LRRC1: variants seen among roughly 807,000 people sequenced by gnomAD.
LRRC1 encodes the protein leucine rich repeat containing 1, also known as leucine-rich repeat-containing protein 1.
LRRC1 carries 28 observed loss-of-function variants against 69.9 expected under a neutral mutation model. The ratio of observed to expected loss-of-function variants is 0.40; its 90% CI spans 0.30 to 0.55. The LOEUF (loss-of-function observed/expected upper bound fraction) is 0.55, where lower values mean the gene tolerates loss of function less well. LRRC1 is among the 20% of genes least tolerant of loss of function. The pLI, the probability that LRRC1 is intolerant of heterozygous loss-of-function variation, is 0.47. For synonymous variants in LRRC1, 236 were observed against 240.2 expected (o/e 0.98, Z 0.16); for missense variants, 498 against 609.0 (o/e 0.82, Z 1.92).
intron 1 of LRRC1, among the ~76,000 whole-genome samples, chr6:53,837,916 A>G (rs1765657561): frequency 6.6e-6 from 1 of 152,204 alleles, no homozygotes; most frequent in South Asian, 2.1e-4. Context: ...CTTTGCATAT[A>G]ATTGTACAGA....
At chr6:53,862,239 T>A (rs1428691383) in intron 2 of LRRC1, among the ~76,000 whole-genome samples, 1 of 152,040 alleles carries the variant, frequency 6.6e-6, no homozygotes, top group East Asian at 1.9e-4. Context: ...TTCCCCTCAT[T>A]TTTGATATTT....
chr6:53,804,756 A>C (rs1432167845), intron 1 of LRRC1, among the ~76,000 whole-genome samples: 1 of 152,198 alleles, frequency 6.6e-6, no homozygotes, highest in Non-Finnish European at 1.5e-5. Context: ...TGTTTCTTTA[A>C]GATACATTTC....
Position 53,795,145 on chromosome 6 carries a change from C to A in LRRC1, c.-112C>A. ...CGCGAGAAGCGAGCTAACCCAAGAG[C>A]CAACAACGAGCGCGGAGAGGGCAGC... On this transcript the variant is annotated 5_prime_UTR_variant, in exon 1 of 14. Coordinates refer to ENST00000370888, the MANE Select transcript of LRRC1 (RefSeq NM_018214.5). The A allele has an allele frequency of 1.0e-6, 1 of 962,978 alleles. No homozygotes were observed. The highest frequency in any genetic ancestry group is 1.5e-6 in the Non-Finnish European group (1 of 672,966). 59.7% of individuals were successfully genotyped at this position (962,978 alleles called of 1,614,324 possible). A position where few individuals can be genotyped will look rare whatever the true frequency, so the allele number is the denominator to read the frequency against.
chr6:53,900,534 AAGGCATATGAGC>A (rs1294807526), intron 8 of LRRC1, among the ~76,000 whole-genome samples: 3 of 152,222 alleles, frequency 2.0e-5, no homozygotes, highest in African/African-American at 7.2e-5. Context: ...AAATGTATTT[AAGGCATATGAGC>A]AGTCACTAAG....
rs1394548591 is a variant in LRRC1 at position 53,913,835 on chromosome 6, A to G, written c.991-19A>G. ...CCCTAGAAAACTGGAAAAAAGATGTATTTTCTTTCTCACCATAGATCGGCG... is the reference window on the plus strand; with the variant it reads ...CCCTAGAAAACTGGAAAAAAGATGTGTTTTCTTTCTCACCATAGATCGGCG... On this transcript the variant is annotated intron_variant, in intron 10 of 13. Transcript: ENST00000370888. 4.5e-6 allele frequency: 7 copies of G among 1,556,968 alleles called. No individual in the cohort carries two copies. In the African/African-American group the frequency reaches 8.1e-5, roughly 18 times the overall value.
rs560618778 is a variant in LRRC1 at position 53,920,970 on chromosome 6, T to C, written c.1416+209T>C. Among the ~76,000 whole-genome samples, 52 of 152,120 alleles carry C rather than the reference T, an allele frequency of 3.4e-4. No homozygotes were observed. In the South Asian group the frequency reaches 7.7e-3, roughly 23 times the overall value. ...CAAATGGAACTCATGGGTTTTTTTT[T>C]TTCTTCTTCTTTTTTGAGACAGAGT... On this transcript the variant is annotated intron_variant, in intron 13 of 13. Coordinates refer to ENST00000370888, the MANE Select transcript of LRRC1 (RefSeq NM_018214.5).
Position 53,812,712 on chromosome 6 carries a change from A to AAG in LRRC1, c.159+17298_159+17299insGA, listed in dbSNP as rs1554176105. On this transcript the variant is annotated intron_variant, in intron 1 of 13. Transcript: ENST00000370888. ...CTCAAAAAAAAAAAAAAAAAAAAAA[A>AAG]AATTTGAAGAAAGAGGGGAAGGATG... Among the ~76,000 whole-genome samples, 79 of 139,876 alleles carry AAG rather than the reference A, an allele frequency of 5.6e-4. 2 individuals carry two copies. Among genetic ancestry groups the AAG allele is most frequent in the African/African-American group, 1.0e-3 (37 of 36,778 alleles). The allele number at this position is 139,876 out of a possible 152,430, so 91.8% of individuals were successfully genotyped here.
intron 4 of LRRC1, among the ~76,000 whole-genome samples, chr6:53,888,816 A>G (rs947252134): frequency 1.6e-4 from 24 of 152,232 alleles, no homozygotes; most frequent in Admixed American, 1.6e-3. Flanking sequence ...TTTCCTAGCT[A>G]TGACACCAAA....
chr6:53,871,833 A>G (rs1188751490), intron 2 of LRRC1, among the ~76,000 whole-genome samples: 1 of 151,970 alleles, frequency 6.6e-6, no homozygotes, highest in East Asian at 1.9e-4. Context: ...ATGCCCAGCT[A>G]ATTTTTGTAT....
At chr6:53,817,834 C>T (rs1185994197) in intron 1 of LRRC1, among the ~76,000 whole-genome samples, 1 of 152,092 alleles carries the variant, frequency 6.6e-6, no homozygotes, top group Non-Finnish European at 1.5e-5. Context: ...ATCTAGGGTA[C>T]TACAGTAATG....
intron 10 of LRRC1, among the ~76,000 whole-genome samples, chr6:53,907,320 G>A (rs1039772497): frequency 8.5e-5 from 13 of 152,108 alleles, no homozygotes; most frequent in African/African-American, 3.1e-4. Context: ...CTGGTATGCT[G>A]TGTAGTTCTT....
At chr6:53,902,934 G>C (rs993762618) in intron 9 of LRRC1, among the ~76,000 whole-genome samples, 187 bp downstream of exon 9, 1 of 152,208 alleles carries the variant, frequency 6.6e-6, no homozygotes, top group South Asian at 2.1e-4. Context: ...AGGTTTCCCT[G>C]TTGAGCCTGT....
chr6:53,820,903 T>G (rs559403217), intron 1 of LRRC1, among the ~76,000 whole-genome samples: 2 of 152,180 alleles, frequency 1.3e-5, no homozygotes, highest in South Asian at 4.1e-4. Context: ...TGTCAGCACT[T>G]ACTATGGGAA....
At chr6:53,878,523 G>C (rs868511018) in intron 2 of LRRC1, among the ~76,000 whole-genome samples, 1 of 152,200 alleles carries the variant, frequency 6.6e-6, no homozygotes, top group Admixed American at 6.5e-5. Context: ...CGCATGGGCA[G>C]TTGACAATAG....
At chr6:53,897,443 T>A (rs1192054083) in intron 7 of LRRC1, 84 bp downstream of exon 7, 4 of 1,019,914 alleles carry the variant, frequency 3.9e-6, no homozygotes, top group Non-Finnish European at 5.9e-6. Flanking sequence ...ACATAAGGTT[T>A]GCTATAAAAG....
intron 2 of LRRC1, among the ~76,000 whole-genome samples, chr6:53,861,399 T>A (rs1165092495): frequency 6.6e-6 from 1 of 151,290 alleles, no homozygotes; most frequent in Admixed American, 6.6e-5. Context: ...TCAGTGTTTT[T>A]TAGAGGTTGC....
rs1422319383 is a variant in LRRC1, at chr6:53,852,991, T to G, written c.277+10764T>G. On this transcript the variant is annotated intron_variant, in intron 2 of 13. Transcript: ENST00000370888. ...AGGTGCTGGCAGATTCAGCGTCTCA[T>G]GAATACTTGTTCTCTGCATCAAAGA... Among the ~76,000 whole-genome samples, 3 of 152,228 alleles carry G rather than the reference T, an allele frequency of 2.0e-5. No homozygotes were observed. In the East Asian group the frequency reaches 5.8e-4, roughly 29 times the overall value.
At chr6:53,872,428 C>T (rs1471947882) in intron 2 of LRRC1, among the ~76,000 whole-genome samples, 1 of 152,088 alleles carries the variant, frequency 6.6e-6, no homozygotes, top group Non-Finnish European at 1.5e-5. Context: ...TTCTATTTCA[C>T]TGGTCTATGT....
chr6:53,845,670 G>T (rs1765920140), intron 2 of LRRC1, among the ~76,000 whole-genome samples: 1 of 152,220 alleles, frequency 6.6e-6, no homozygotes, highest in African/African-American at 2.4e-5. Flanking sequence ...CCATGGAGGA[G>T]AAAGTCCATT....
Sources: gnomAD v4.1 joint callset for allele counts (sites outside exome capture counted in the v4.1 genomes callset) on GRCh38, gnomAD v4.1.1 for gene constraint, MANE v1.5 for transcripts, NCBI Gene and HGNC (gene_info 2026-07-23, HGNC 2026-07-21) for gene names.